ZNF507: variants seen among roughly 807,000 people sequenced by gnomAD.
The protein encoded by ZNF507 is zinc finger protein 507.
In ZNF507, 29 loss-of-function variants were observed where a neutral mutation model predicts 80.0. The observed-to-expected ratio is 0.36, with a 90% CI of 0.27 to 0.49. The LOEUF (loss-of-function observed/expected upper bound fraction) is 0.49. Among genes scored for constraint, ZNF507 ranks in the 20% least tolerant of loss-of-function variants. The pLI is 0.98. For missense variants in ZNF507, 1,081 were observed against 1,152.2 expected, an observed-to-expected ratio of 0.94 and a Z score of 0.90; for synonymous variants, 462 against 422.5, an observed-to-expected ratio of 1.09 and a Z score of -1.15.
In ZNF507 at chr19:32,354,276, G is replaced by A. The variant is rs1397945365; in HGVS notation, c.1446G>A (p.Arg482=). The change falls in exon 3 of 7, where the codon CGG becomes CGA. Residue 482 remains arginine (R), a synonymous_variant. Coordinates refer to ENST00000355898, the MANE Select transcript of ZNF507 (RefSeq NM_001136156.2). ...CTGATGAGAATGCCCCACCAGGCCG[G>A]AGAAGGACAAATTCTGAGTCTCTTC... ...LATDENAPPG[R]RRTNSESLRL... 1.2e-6 allele frequency: 2 copies of A among 1,614,190 alleles called. No individual in the cohort carries two copies. Among genetic ancestry groups the A allele is most frequent in the African/African-American group, 2.7e-5 (2 of 75,056 alleles).
At chr19:32,357,352 T>C (rs1967266734) in intron 4 of ZNF507, 1 of 152,306 alleles carries the variant, frequency 6.6e-6, no homozygotes, top group Non-Finnish European at 1.5e-5. Context: ...AAGGATAAAG[T>C]GTACTAAGCT....
chr19:32,360,191 G>T (rs1967303031), intron 4 of ZNF507, among the ~76,000 whole-genome samples: 1 of 152,190 alleles, frequency 6.6e-6, no homozygotes, highest in South Asian at 2.1e-4. Flanking sequence ...TCAACAGGGT[G>T]TCTCTGATTA....
At position 32,354,821 on chromosome 19, in the gene ZNF507, G is replaced by A. The variant is rs143809236; in HGVS notation, c.1991G>A (p.Arg664Gln). The change falls in exon 3 of 7, where the codon CGA becomes CAA. Residue 664 changes from arginine (R) to glutamine (Q), a missense_variant. This residue lies in a region of ZNF507 where 614 missense variants were observed against 583.9 expected (regional missense o/e 1.05). Coordinates refer to ENST00000355898, the MANE Select transcript of ZNF507 (RefSeq NM_001136156.2). ...GYIKQHLRVHRQRQPYQCPIC... is the reference protein window; with the variant it reads ...GYIKQHLRVHQQRQPYQCPIC... ...ATCAAGCAGCACTTACGAGTCCATC[G>A]ACAGAGACAGCCTTATCAGTGTCCT... 3.5e-5 allele frequency: 56 copies of A among 1,614,000 alleles called. No individual in the cohort carries two copies. Among genetic ancestry groups the A allele is most frequent in the Admixed American group, 6.7e-5 (4 of 59,996 alleles).
intron 5 of ZNF507, among the ~76,000 whole-genome samples, chr19:32,375,677 C>T (rs1232724399): frequency 2.0e-5 from 3 of 152,158 alleles, no homozygotes; most frequent in Non-Finnish European, 4.4e-5. Context: ...TAGCAAAATG[C>T]CGACAATCAG....
chr19:32,357,696 G>A (rs145585536), intron 4 of ZNF507: 4 of 152,276 alleles, frequency 2.6e-5, no homozygotes, highest in African/African-American at 9.6e-5. Flanking sequence ...GCAGTAGATG[G>A]CTGAGCTAAA....
chr19:32,378,656 A>G (rs954441018), intron 5 of ZNF507, among the ~76,000 whole-genome samples: 27 of 151,892 alleles, frequency 1.8e-4, no homozygotes, highest in Admixed American at 8.5e-4. Context: ...TTTTTAAAAA[A>G]AAAAGGGAAA....
Position 32,354,746 on chromosome 19 carries a change from G to T in ZNF507, c.1916G>T (p.Arg639Leu), listed in dbSNP as rs368622063. 4 of 1,614,028 alleles carry T rather than the reference G, an allele frequency of 2.5e-6. No homozygotes were observed. The African/African-American group carries it at 5.3e-5, about 22-fold the overall frequency. Residue 639 changes from arginine (R) to leucine (L), a missense_variant, in exon 3 of 7, where the codon CGA (arginine) becomes CTA (leucine). This residue lies in a region of ZNF507 where 614 missense variants were observed against 583.9 expected (regional missense o/e 1.05). Transcript: ENST00000355898. ...GTGGAATACATCCCGAATGCTGAAC[G>T]ACCCTACCGTTGCCGCCTGTGTCAC... ...NVVEYIPNAE[R>L]PYRCRLCHYT...
At chr19:32,348,752 C>CCT (rs1436776921) in intron 2 of ZNF507, among the ~76,000 whole-genome samples, 1 of 152,134 alleles carries the variant, frequency 6.6e-6, no homozygotes, top group East Asian at 1.9e-4. Context: ...CAAGAAATCT[C>CCT]CTGTTTTGCT....
chr19:32,365,437 A>G (rs1006099339), intron 5 of ZNF507, among the ~76,000 whole-genome samples: 13 of 152,172 alleles, frequency 8.5e-5, no homozygotes, highest in African/African-American at 3.1e-4. Flanking sequence ...GGTTTTTCCA[A>G]TGTTATCTTC....
Position 32,383,317 on chromosome 19 carries a change from G to A in ZNF507, c.*234G>A, listed in dbSNP as rs1967648166. ...GGAGTGGGTCAAAGAGGAAGTAGAG[G>A]TGTAATCCTGTATTAACCCTCTGTC... On this transcript the variant is annotated 3_prime_UTR_variant, in exon 7 of 7. Coordinates refer to ENST00000355898, the MANE Select transcript of ZNF507 (RefSeq NM_001136156.2). 1 of 506,328 alleles carries A rather than the reference G, an allele frequency of 2.0e-6. No homozygotes were observed. Among genetic ancestry groups the A allele is most frequent in the Non-Finnish European group, 3.5e-6 (1 of 283,688 alleles). The allele number at this position is 506,328 out of a possible 1,614,324, so 31.4% of individuals were successfully genotyped here. A position where few individuals can be genotyped will look rare whatever the true frequency, so the allele number is the denominator to read the frequency against.
intron 2 of ZNF507, among the ~76,000 whole-genome samples, chr19:32,352,048 C>G (rs1334409168): frequency 6.7e-6 from 1 of 149,334 alleles, no homozygotes; most frequent in East Asian, 2.0e-4. Context: ...TTTTCCTTCT[C>G]TGATGTCCCT....
rs987064844 is a variant in ZNF507, at chr19:32,386,040, T to C, written c.*2957T>C. 1 of 152,250 alleles carries C rather than the reference T, an allele frequency of 6.6e-6. No individual in the cohort carries two copies. The highest frequency in any genetic ancestry group is 2.4e-5 in the African/African-American group (1 of 41,438). The allele number at this position is 152,250 out of a possible 1,614,324, so 9.4% of individuals were successfully genotyped here. On this transcript the variant is annotated 3_prime_UTR_variant, in exon 7 of 7. Coordinates refer to ENST00000355898, the MANE Select transcript of ZNF507 (RefSeq NM_001136156.2). ...GCATTCTGATCATTATAAAGAATAC[T>C]TTTCAGGGCTCTATCATTTTCTCCC...
At position 32,385,459 on chromosome 19, in the gene ZNF507, T is replaced by A. The variant is rs1967676373; in HGVS notation, c.*2376T>A. The A allele has an allele frequency of 6.6e-6, 1 of 152,204 alleles. No individual in the cohort carries two copies. The highest frequency in any genetic ancestry group is 1.5e-5 in the Non-Finnish European group (1 of 68,038). The allele number at this position is 152,204 out of a possible 1,614,324, so 9.4% of individuals were successfully genotyped here. On this transcript the variant is annotated 3_prime_UTR_variant, in exon 7 of 7. Coordinates refer to ENST00000355898, the MANE Select transcript of ZNF507 (RefSeq NM_001136156.2). ...TAACAATGTGTCTACCAAGAACAAT[T>A]GAGTTTTCTAAAAGTAATAATGAAG...
At chr19:32,374,103 A>G (rs1184234120) in intron 5 of ZNF507, among the ~76,000 whole-genome samples, 1 of 151,786 alleles carries the variant, frequency 6.6e-6, no homozygotes, top group Non-Finnish European at 1.5e-5. Context: ...CTGTCGGGGG[A>G]CTGATAATGT....
At chr19:32,361,327 A>G in intron 5 of ZNF507, among the ~76,000 whole-genome samples, 1 of 152,190 alleles carries the variant, frequency 6.6e-6, no homozygotes, top group East Asian at 1.9e-4. Context: ...ATGCGCATGA[A>G]CTTTCACCCC....
chr19:32,367,028 G>C (rs1967408018), intron 5 of ZNF507, among the ~76,000 whole-genome samples: 1 of 152,188 alleles, frequency 6.6e-6, no homozygotes, highest in Non-Finnish European at 1.5e-5. Flanking sequence ...GAATACCTGA[G>C]GCTGGGTAAT....
At chr19:32,362,074 A>T (rs910246054) in intron 5 of ZNF507, among the ~76,000 whole-genome samples, 6 of 152,096 alleles carry the variant, frequency 3.9e-5, no homozygotes, top group Non-Finnish European at 8.8e-5. Flanking sequence ...ATGTGCCATG[A>T]TTAGCTAATT....
Position 32,354,757 on chromosome 19 carries a change from T to C in ZNF507, c.1927T>C (p.Cys643Arg), listed in dbSNP as rs1178539155. The C allele has an allele frequency of 6.2e-7, 1 of 1,614,148 alleles. No homozygotes were observed. Among genetic ancestry groups the C allele is most frequent in the Admixed American group, 1.7e-5 (1 of 60,016 alleles). ...YIPNAERPYR[C>R]RLCHYTSGNK... ...CCCGAATGCTGAACGACCCTACCGT[T>C]GCCGCCTGTGTCACTACACAAGTGG... Residue 643 changes from cysteine (C) to arginine (R), a missense_variant, in exon 3 of 7, where the codon TGC becomes CGC. This residue lies in a region of ZNF507 where 614 missense variants were observed against 583.9 expected (regional missense o/e 1.05). Transcript: ENST00000355898.
chr19:32,346,503 T>C (rs1967098925), intron 1 of ZNF507, among the ~76,000 whole-genome samples: 1 of 152,218 alleles, frequency 6.6e-6, no homozygotes, highest in Non-Finnish European at 1.5e-5. Context: ...TCTTTGAGTT[T>C]GCACTTTCTC....
Sources: allele counts gnomAD v4.1 joint callset (sites outside exome capture counted in the v4.1 genomes callset), GRCh38; gene constraint gnomAD v4.1.1; regional missense constraint gnomAD v4.1.1; transcripts MANE v1.5; gene names NCBI Gene and HGNC (gene_info 2026-07-23, HGNC 2026-07-21).